Variants in POSTN observed in about 807,000 individuals in gnomAD.
POSTN encodes osteoblast specific factor 2 (fasciclin I-like).
In POSTN, 71 loss-of-function variants were observed where a neutral mutation model predicts 104.5. The ratio of observed to expected loss-of-function variants is 0.68; its 90% CI spans 0.56 to 0.83. The LOEUF is 0.83. POSTN is among the 40% of genes least tolerant of loss of function. POSTN has a pLI of 0.00. For missense variants in POSTN, 949 were observed against 1,006.8 expected, an observed-to-expected ratio of 0.94 and a Z score of 0.78; for synonymous variants, 355 against 340.7, an observed-to-expected ratio of 1.04 and a Z score of -0.46.
At chr13:37,573,294 A>G (rs1203024665) in intron 17 of POSTN, among the ~76,000 whole-genome samples, 2 of 151,520 alleles carry the variant, frequency 1.3e-5, no homozygotes, top group African/African-American at 4.8e-5. Flanking sequence ...TATTACAATG[A>G]TCAAGGAACA....
At chr13:37,572,754 A>G (rs1317676604) in intron 17 of POSTN, among the ~76,000 whole-genome samples, 1 of 151,616 alleles carries the variant, frequency 6.6e-6, no homozygotes, top group Non-Finnish European at 1.5e-5. Context: ...TTTATAAGAG[A>G]CACCTTAAAA....
In POSTN at chr13:37,578,771, C is replaced by G. The variant is rs1049777955; in HGVS notation, c.1962+73G>C. 297 of 1,296,232 alleles carry G rather than the reference C, an allele frequency of 2.3e-4. 1 individual carries two copies. Among genetic ancestry groups the G allele is most frequent in the Non-Finnish European group, 3.0e-4 (292 of 971,884 alleles). 80.3% of individuals were successfully genotyped at this position (1,296,232 alleles called of 1,614,324 possible). On this transcript the variant is annotated intron_variant, in intron 15 of 22. Coordinates refer to ENST00000379747, the MANE Select transcript of POSTN (RefSeq NM_006475.3). The stretch of plus-strand genomic sequence containing the variant: ...CTGAGATCATGCCACTGCACTACAG[C>G]CTGGGCGACAAAGCGAGACTCCATC...
At chr13:37,576,377 G>T (rs1314526375) in intron 16 of POSTN, among the ~76,000 whole-genome samples, 1 of 152,166 alleles carries the variant, frequency 6.6e-6, no homozygotes, top group African/African-American at 2.4e-5. Flanking sequence ...GAATGTAAAT[G>T]TTAGAGCTGT....
rs1949965637 is a variant in POSTN at position 37,562,610 on chromosome 13, A to G, written c.*723T>C. On this transcript the variant is annotated 3_prime_UTR_variant, in exon 23 of 23. Coordinates refer to ENST00000379747, the MANE Select transcript of POSTN (RefSeq NM_006475.3). Reference sequence around the variant, plus strand: ...TTTCATTCAATTTCCTTTAATGAGTACTTGTTACAGTAAAAGAGGTATAAA... The same window carrying G: ...TTTCATTCAATTTCCTTTAATGAGTGCTTGTTACAGTAAAAGAGGTATAAA... 6.6e-6 allele frequency: 1 copy of G among 152,232 alleles called. No homozygotes were observed. The highest frequency in any genetic ancestry group is 1.5e-5 in the Non-Finnish European group (1 of 68,038). 9.4% of individuals were successfully genotyped at this position (152,232 alleles called of 1,614,324 possible).
rs754206619 is a variant in POSTN, at chr13:37,597,222, A to G, written c.180T>C (p.Cys60=). 4 of 1,583,940 alleles carry G rather than the reference A, an allele frequency of 2.5e-6. No individual in the cohort carries two copies. In the Admixed American group the frequency reaches 5.6e-5, roughly 22 times the overall value. The stretch of plus-strand genomic sequence containing the variant: ...AGATGGACTTTTTATACCAGTTCTT[A>G]CAAGTGCTGAAGTATTTCTTTTTGG... The part of the protein sequence containing the change: ...LGTKKKYFST[C]KNWYKKSICG... Residue 60 remains cysteine (C), a synonymous_variant, in exon 2 of 23, where the codon TGT becomes TGC. Transcript: ENST00000379747.
At chr13:37,586,672 AAT>A in intron 6 of POSTN, 108 bp downstream of exon 6, 1 of 1,059,542 alleles carries the variant, frequency 9.4e-7, no homozygotes, top group Non-Finnish European at 1.4e-6. Context: ...CCTTTCAAAA[AAT>A]ATGTGTTACA....
chr13:37,580,238 A>T (rs544570734), intron 11 of POSTN, among the ~76,000 whole-genome samples: 8 of 151,802 alleles, frequency 5.3e-5, no homozygotes, highest in South Asian at 2.1e-4. Context: ...GGTCACACAT[A>T]ACAAAAAAGA....
Position 37,578,912 on chromosome 13 carries a change from C to T in POSTN, c.1895-1G>A. 1 of 1,594,406 alleles carries T rather than the reference C, an allele frequency of 6.3e-7. No homozygotes were observed. Among genetic ancestry groups the T allele is most frequent in the East Asian group, 2.2e-5 (1 of 44,582 alleles). The stretch of plus-strand genomic sequence containing the variant: ...AGTTGATCATTTCCAACAGGTGTGT[C>T]TATGAAGAGAAATATTAAATGAATA... On this transcript the variant is annotated splice_acceptor_variant, in intron 14 of 22. Coordinates refer to ENST00000379747, the MANE Select transcript of POSTN (RefSeq NM_006475.3). LOFTEE classifies it high-confidence loss of function.
chr13:37,569,053 C>CA (rs886298409), intron 21 of POSTN: 32 of 281,584 alleles, frequency 1.1e-4, no homozygotes, highest in East Asian at 1.9e-4. Context: ...TGAATCAAAG[C>CA]AAAAAAAATA....
chr13:37,578,819 A>G (rs1351506607), intron 15 of POSTN, 25 bp downstream of exon 15: 4 of 1,495,398 alleles, frequency 2.7e-6, no homozygotes, highest in Non-Finnish European at 3.6e-6. Flanking sequence ...AAAAAAAAAG[A>G]AATAAATCAA....
chr13:37,588,098 T>C, intron 4 of POSTN, 112 bp from the exon 5 acceptor site: 1 of 864,030 alleles, frequency 1.2e-6, no homozygotes, highest in South Asian at 1.7e-5. Flanking sequence ...TATCAGATGG[T>C]CATACAAAAT....
chr13:37,598,578 A>G, intron 1 of POSTN, 30 bp downstream of exon 1: 1 of 1,588,384 alleles, frequency 6.3e-7, no homozygotes, highest in South Asian at 1.1e-5. Flanking sequence ...AAAAAGAAAA[A>G]TGGTTTATAA....
chr13:37,582,476 T>C lies in POSTN; in HGVS notation c.1282A>G (p.Ile428Val). The C allele has an allele frequency of 6.2e-7, 1 of 1,613,304 alleles. No homozygotes were observed. The change falls in exon 10 of 23, where the codon ATT becomes GTT. Residue 428 changes from isoleucine (I) to valine (V), a missense_variant. Transcript: ENST00000379747. ...ACTTTCAATATGTGATTCTGCAGAATTAATTTAAGGAGGCGCTGATCCATG... is the reference window on the plus strand; with the variant it reads ...ACTTTCAATATGTGATTCTGCAGAACTAATTTAAGGAGGCGCTGATCCATG... The part of the protein sequence containing the change: ...LSMDQRLLKL[I>V]LQNHILKVKV...
At chr13:37,580,905 T>A (rs558682454) in intron 10 of POSTN, among the ~76,000 whole-genome samples, 1 of 152,248 alleles carries the variant, frequency 6.6e-6, no homozygotes, top group East Asian at 1.9e-4. Flanking sequence ...TTATTAAAAG[T>A]CAAGCTACCT....
At chr13:37,586,044 T>A in intron 7 of POSTN, 95 bp downstream of exon 7, 1 of 1,263,140 alleles carries the variant, frequency 7.9e-7, no homozygotes, top group Non-Finnish European at 1.1e-6. Flanking sequence ...CTGCCTTTGC[T>A]TATTAAAACT....
rs1208787211 is a variant in POSTN, at chr13:37,562,799, C to A, written c.*534G>T. 6.6e-6 allele frequency: 1 copy of A among 152,026 alleles called. No individual in the cohort carries two copies. Among genetic ancestry groups the A allele is most frequent in the South Asian group, 2.1e-4 (1 of 4,830 alleles). The allele number at this position is 152,026 out of a possible 1,614,324, so 9.4% of individuals were successfully genotyped here. ...GCATATGACAAACATTCTGAGAGTA[C>A]AAAATTAGTTGTAAAAAATAACATA... On this transcript the variant is annotated 3_prime_UTR_variant, in exon 23 of 23. Transcript: ENST00000379747.
chr13:37,566,074 A>G (rs1950090489), intron 21 of POSTN, among the ~76,000 whole-genome samples: 1 of 152,186 alleles, frequency 6.6e-6, no homozygotes, highest in Admixed American at 6.5e-5. Flanking sequence ...TTTTGCTGTG[A>G]TAATATTCCA....
intron 10 of POSTN, among the ~76,000 whole-genome samples, chr13:37,580,914 C>T (rs888797301): frequency 4.6e-5 from 7 of 152,130 alleles, no homozygotes; most frequent in African/African-American, 1.4e-4. Flanking sequence ...GTCAAGCTAC[C>T]TTATGGATCA....
At chr13:37,564,425 C>T (rs1484999275) in intron 22 of POSTN, 94 bp downstream of exon 22, 16 of 719,656 alleles carry the variant, frequency 2.2e-5, no homozygotes, top group Non-Finnish European at 3.5e-5. Flanking sequence ...TAACAAGTTT[C>T]AATAAAATAC....
Sources: gnomAD v4.1 joint callset for allele counts (sites outside exome capture counted in the v4.1 genomes callset) on GRCh38, gnomAD v4.1.1 for gene constraint, MANE v1.5 for transcripts, NCBI Gene and HGNC (gene_info 2026-07-23, HGNC 2026-07-21) for gene names.